Variants in INTS2 observed in about 807,000 individuals in gnomAD.
INTS2 encodes integrator complex subunit 2.
INTS2 carries 57 observed loss-of-function variants against 139.6 expected under a neutral mutation model. The observed-to-expected ratio is 0.41, with a 90% confidence interval of 0.33 to 0.51. The LOEUF (loss-of-function observed/expected upper bound fraction) is 0.51, where lower values mean the gene tolerates loss of function less well. Among genes scored for constraint, INTS2 ranks in the 20% least tolerant of loss-of-function variants. The pLI is 0.28. For synonymous variants in INTS2, 473 were observed against 493.4 expected, an observed-to-expected ratio of 0.96 and a Z score of 0.55; for missense variants, 1,196 against 1,436.7, an observed-to-expected ratio of 0.83 and a Z score of 2.71.
intron 17 of INTS2, among the ~76,000 whole-genome samples, chr17:61,878,920 G>T (rs2079149629): frequency 1.3e-5 from 1 of 77,104 alleles, no homozygotes. Flanking sequence ...CTGGGCAACA[G>T]ACCCTGTCTC....
Position 61,888,389 on chromosome 17 carries a change from A to G in INTS2, c.1984+1397T>C, listed in dbSNP as rs141017689. 2.9e-4 allele frequency among the ~76,000 whole-genome samples: 44 copies of G among 152,300 alleles called. No homozygotes were observed. The East Asian group carries it at 7.9e-3, about 27-fold the overall frequency. The stretch of plus-strand genomic sequence containing the variant: ...TCTCAAAAAATAAATAGATGAAATG[A>G]ACTATACACATGTAGGAAGTATAAA... On this transcript the variant is annotated intron_variant, in intron 15 of 24. Transcript: ENST00000251334.
At chr17:61,902,724 C>A (rs570584829) in intron 9 of INTS2, among the ~76,000 whole-genome samples, 51 of 151,466 alleles carry the variant, frequency 3.4e-4, no homozygotes, top group Non-Finnish European at 6.9e-4. Context: ...AAAAAAAATT[C>A]TCCAGGGGTA....
chr17:61,878,177 C>CA (rs1369971390), intron 17 of INTS2, 89 bp from the exon 18 acceptor site: 2 of 760,118 alleles, frequency 2.6e-6, no homozygotes, highest in Non-Finnish European at 4.5e-6. Context: ...ATAGACCAAA[C>CA]AAATCAAGAA....
chr17:61,893,988 T>A lies in INTS2; in HGVS notation c.1564-89A>T. On this transcript the variant is annotated intron_variant, in intron 12 of 24. Transcript: ENST00000251334. The surrounding 1 kb of genome is among the most constrained non-coding windows in gnomAD (Gnocchi z 5.4). ...GATTAGTAAGTAGACTGTCAACACCTAATACAAGTGTGGTCCCTAGAAATG... is the reference window on the plus strand; with the variant it reads ...GATTAGTAAGTAGACTGTCAACACCAAATACAAGTGTGGTCCCTAGAAATG... 1 of 762,300 alleles carries A rather than the reference T, an allele frequency of 1.3e-6. No homozygotes were observed. The allele number at this position is 762,300 out of a possible 1,614,324, so 47.2% of individuals were successfully genotyped here.
At chr17:61,905,518 G>A (rs1394588067) in intron 8 of INTS2, among the ~76,000 whole-genome samples, 1 of 151,944 alleles carries the variant, frequency 6.6e-6, no homozygotes, top group African/African-American at 2.4e-5. Flanking sequence ...GTAGAGAGAG[G>A]GTTTCACCAT....
chr17:61,922,945 C>T (rs1017919003), intron 3 of INTS2, among the ~76,000 whole-genome samples: 2 of 150,012 alleles, frequency 1.3e-5, no homozygotes, highest in African/African-American at 2.5e-5. Flanking sequence ...GGCATGGTGG[C>T]GGGTGCCTGT....
intron 9 of INTS2, among the ~76,000 whole-genome samples, chr17:61,898,658 G>A (rs2079373955): frequency 6.6e-6 from 1 of 152,058 alleles, no homozygotes; most frequent in Non-Finnish European, 1.5e-5. Context: ...TCGTTGCTCA[G>A]GCTGGAGTGC....
intron 6 of INTS2, 77 bp downstream of exon 6, chr17:61,911,863 G>A (rs1268024220): frequency 7.1e-5 from 107 of 1,506,648 alleles, no homozygotes; most frequent in Middle Eastern, 1.8e-4. Flanking sequence ...ACCTCTACAG[G>A]ACTCTAAAAC....
At chr17:61,895,876 A>G (rs1266857977) in intron 11 of INTS2, among the ~76,000 whole-genome samples, 2 of 152,208 alleles carry the variant, frequency 1.3e-5, no homozygotes, top group East Asian at 1.9e-4. Context: ...AGAAGAAAAT[A>G]TAAGTGACCA....
Position 61,911,986 on chromosome 17 carries a change from A to T in INTS2, c.734T>A (p.Leu245Ter). ...GGCCTGAGAAGGATTCATTTTACACAAGAAGCGTAAGGCATCTGTCCTGCG... is the reference window on the plus strand; with the variant it reads ...GGCCTGAGAAGGATTCATTTTACACTAGAAGCGTAAGGCATCTGTCCTGCG... ...GRRRTDALRFLCKMNPSQALK... is the reference protein window; with the variant it reads ...GRRRTDALRF Residue 245 changes from leucine to a stop codon, truncating the protein, a stop_gained, in exon 6 of 25, where the codon TTG becomes TAG. Coordinates refer to ENST00000251334, the MANE Select transcript of INTS2 (RefSeq NM_001351695.2). LOFTEE classifies it high-confidence loss of function. 1.2e-6 allele frequency: 2 copies of T among 1,613,738 alleles called. No individual in the cohort carries two copies. Among genetic ancestry groups the T allele is most frequent in the Non-Finnish European group, 1.7e-6 (2 of 1,179,800 alleles).
At chr17:61,900,862 A>G (rs563131067) in intron 9 of INTS2, among the ~76,000 whole-genome samples, 34 of 152,132 alleles carry the variant, frequency 2.2e-4, no homozygotes, top group Non-Finnish European at 4.4e-4. Context: ...GGAGGCTAAC[A>G]CAGGACAATC....
Position 61,897,046 on chromosome 17 carries a change from G to C in INTS2, c.1494+423C>G, listed in dbSNP as rs2079356415. On this transcript the variant is annotated intron_variant, in intron 11 of 24. Coordinates refer to ENST00000251334, the MANE Select transcript of INTS2 (RefSeq NM_001351695.2). This position sits in a 1 kb window ranked among gnomAD's most constrained non-coding sequence, Gnocchi z 4.4. ...AAAATCTACATGGGAAATAATAAGGGACCTATTAAGAAGATCAAACAATGG... is the reference window on the plus strand; with the variant it reads ...AAAATCTACATGGGAAATAATAAGGCACCTATTAAGAAGATCAAACAATGG... 6.6e-6 allele frequency among the ~76,000 whole-genome samples: 1 copy of C among 151,952 alleles called. No individual in the cohort carries two copies. The highest frequency in any genetic ancestry group is 6.6e-5 in the Admixed American group (1 of 15,238).
Position 61,867,769 on chromosome 17 carries a change from G to T in INTS2, c.3422-43C>A. ...AAAAACATTAAGGCCAAGAAATTTGGAAAGGAATTTGGCCTTTTTGTTTGA... is the reference window on the plus strand; with the variant it reads ...AAAAACATTAAGGCCAAGAAATTTGTAAAGGAATTTGGCCTTTTTGTTTGA... On this transcript the variant is annotated intron_variant, in intron 24 of 24. Coordinates refer to ENST00000251334, the MANE Select transcript of INTS2 (RefSeq NM_001351695.2). The surrounding 1 kb of genome is among the most constrained non-coding windows in gnomAD (Gnocchi z 5.6). 2 of 1,560,164 alleles carry T rather than the reference G, an allele frequency of 1.3e-6. No homozygotes were observed. The highest frequency in any genetic ancestry group is 1.7e-6 in the Non-Finnish European group (2 of 1,155,178).
rs376545770 is a variant in INTS2 at position 61,890,961 on chromosome 17, T to C, written c.1875+552A>G. Among the ~76,000 whole-genome samples the C allele has an allele frequency of 1.1e-4, 11 of 97,042 alleles. No individual in the cohort carries two copies. The East Asian group carries it at 1.3e-3, about 12-fold the overall frequency. 63.7% of individuals were successfully genotyped at this position (97,042 alleles called of 152,430 possible). A position where few individuals can be genotyped will look rare whatever the true frequency, so the allele number is the denominator to read the frequency against. On this transcript the variant is annotated intron_variant, in intron 14 of 24. Coordinates refer to ENST00000251334, the MANE Select transcript of INTS2 (RefSeq NM_001351695.2). Reference sequence around the variant, plus strand: ...ACTGCCCATTGCACTCCAGCCTGGGTGTCACAGCAAGACTCCAGTCTCAAA... The same window carrying C: ...ACTGCCCATTGCACTCCAGCCTGGGCGTCACAGCAAGACTCCAGTCTCAAA...
Position 61,881,088 on chromosome 17 carries a change from T to C in INTS2, c.2173A>G (p.Ile725Val). Residue 725 changes from isoleucine to valine, a missense_variant, in exon 17 of 25, where the codon ATC (isoleucine) becomes GTC (valine). Ile to Val is a conservative substitution (Grantham distance 29). This residue lies in a region of INTS2 where 1,129 missense variants were observed against 1,341.9 expected (regional missense o/e 0.84). Coordinates refer to ENST00000251334, the MANE Select transcript of INTS2 (RefSeq NM_001351695.2). ...IVDDWICEEE[I>V]TGTDALLRRM... ...CGTAGCAGGGCATCAGTCCCTGTGA[T>C]TTCTTCTTCACAAATCCAGTCATCC... The C allele has an allele frequency of 6.2e-7, 1 of 1,613,676 alleles. No individual in the cohort carries two copies. Among genetic ancestry groups the C allele is most frequent in the South Asian group, 1.1e-5 (1 of 91,074 alleles).
intron 5 of INTS2, among the ~76,000 whole-genome samples, chr17:61,915,341 A>AAAAT (rs58856021): frequency 0.14 from 19,679 of 141,232 alleles, 1,508 homozygotes; most frequent in South Asian, 0.3. Flanking sequence ...CCGTCTCAAA[A>AAAAT]AAATAAATAA....
intron 15 of INTS2, chr17:61,885,265 GC>G (rs2079215507): frequency 2.1e-6 from 1 of 469,704 alleles, no homozygotes; most frequent in African/African-American, 2.0e-5. Context: ...GTTGAGAGAA[GC>G]CATGTGCAAA....
intron 5 of INTS2, among the ~76,000 whole-genome samples, chr17:61,914,707 A>G (rs1027429721): frequency 6.6e-6 from 1 of 150,972 alleles, no homozygotes; most frequent in Non-Finnish European, 1.5e-5. Flanking sequence ...CGTCTCAAAA[A>G]AAAAAAAAAA....
intron 8 of INTS2, among the ~76,000 whole-genome samples, chr17:61,904,849 A>C (rs554221698): frequency 5.6e-4 from 86 of 152,300 alleles, no homozygotes; most frequent in African/African-American, 2.0e-3. Context: ...GAAATCATGC[A>C]ACACAATCTT....
Sources: gnomAD v4.1 joint callset for allele counts (sites outside exome capture counted in the v4.1 genomes callset) on GRCh38, gnomAD v4.1.1 for gene constraint, gnomAD v4.1.1 regional missense constraint, Gnocchi (gnomAD v3.1) non-coding constraint, MANE v1.5 for transcripts, NCBI Gene and HGNC (gene_info 2026-07-23, HGNC 2026-07-21) for gene names.